Variants in NCAM2 observed in about 807,000 individuals in gnomAD.
NCAM2 encodes the protein N-CAM-2.
In NCAM2, 30 loss-of-function variants were observed where a neutral mutation model predicts 98.1. That is an observed-to-expected ratio of 0.31 (90% CI 0.23 to 0.41). NCAM2 has a LOEUF of 0.41. NCAM2 is among the 10% of genes least tolerant of loss of function. The pLI, the probability that NCAM2 is intolerant of heterozygous loss-of-function variation, is 1.00. For missense variants in NCAM2, 867 were observed against 1,005.8 expected (o/e 0.86, Z 1.87); for synonymous variants, 368 against 342.4 (o/e 1.07, Z -0.83).
chr21:21,143,798 T>TC (rs1187905791), intron 1 of NCAM2, among the ~76,000 whole-genome samples: 13 of 138,678 alleles, frequency 9.4e-5, no homozygotes, highest in South Asian at 2.3e-4. Flanking sequence ...ATTTTTTTTT[T>TC]AGGAAGTTTT....
intron 1 of NCAM2, among the ~76,000 whole-genome samples, chr21:21,230,819 A>G (rs1451132288): frequency 6.6e-6 from 1 of 151,346 alleles, no homozygotes; most frequent in Admixed American, 6.6e-5. Flanking sequence ...AAATATACTT[A>G]GGTCTTGGTT....
rs151002954 is a variant in NCAM2 at position 21,340,950 on chromosome 21, G to T, written c.1044+2416G>T. ...TTTACCCTCTTGTTATAAGGAAGAT[G>T]AGCACATTACAAATGCATATCAATG... On this transcript the variant is annotated intron_variant, in intron 8 of 17. Transcript: ENST00000400546. 9.2e-3 allele frequency among the ~76,000 whole-genome samples: 1,405 copies of T among 151,960 alleles called. 9 individuals are homozygous for T. Among genetic ancestry groups the T allele is most frequent in the South Asian group, 0.015 (72 of 4,820 alleles).
chr21:21,222,731 A>C (rs565523538), intron 1 of NCAM2, among the ~76,000 whole-genome samples: 1 of 152,314 alleles, frequency 6.6e-6, no homozygotes, highest in South Asian at 2.1e-4. Context: ...TGCTATGAAC[A>C]TTGTTGAAAT....
chr21:21,293,507 G>A (rs1188123346), intron 5 of NCAM2, among the ~76,000 whole-genome samples: 1 of 151,708 alleles, frequency 6.6e-6, no homozygotes, highest in Non-Finnish European at 1.5e-5. Flanking sequence ...GGGAAACTGG[G>A]TCCTTAGAGG....
At chr21:21,340,603 T>C (rs1272876170) in intron 8 of NCAM2, among the ~76,000 whole-genome samples, 1 of 151,980 alleles carries the variant, frequency 6.6e-6, no homozygotes, top group Non-Finnish European at 1.5e-5. Flanking sequence ...TTTAATCCAG[T>C]CAATAAAGAA....
At chr21:21,335,835 C>T (rs995347353) in intron 7 of NCAM2, among the ~76,000 whole-genome samples, 170 bp downstream of exon 7, 6 of 152,010 alleles carry the variant, frequency 3.9e-5, no homozygotes, top group African/African-American at 1.2e-4. Context: ...TGAAGAATAA[C>T]GTAAAATTAC....
intron 1 of NCAM2, among the ~76,000 whole-genome samples, chr21:21,259,110 G>A (rs962704130): frequency 7.9e-5 from 12 of 152,012 alleles, no homozygotes; most frequent in Non-Finnish European, 1.5e-4. Flanking sequence ...CACTTTTTGC[G>A]GTGGCTCCAC....
chr21:21,482,158 G>A (rs1414138058), intron 15 of NCAM2, among the ~76,000 whole-genome samples: 2 of 151,948 alleles, frequency 1.3e-5, no homozygotes, highest in African/African-American at 4.8e-5. Flanking sequence ...GATTGCTAAG[G>A]CCTCATAGAA....
At chr21:21,051,006 C>T (rs2065097558) in intron 1 of NCAM2, among the ~76,000 whole-genome samples, 2 of 152,124 alleles carry the variant, frequency 1.3e-5, no homozygotes, top group Non-Finnish European at 2.9e-5. Flanking sequence ...AATATCTGGA[C>T]CCAATGCCAC....
intron 1 of NCAM2, among the ~76,000 whole-genome samples, chr21:21,142,452 C>G (rs1276193133): frequency 2.1e-5 from 3 of 145,368 alleles, no homozygotes; most frequent in African/African-American, 7.8e-5. Context: ...AATCTCGGCT[C>G]ACTGCAAGCT....
At chr21:21,510,828 T>A (rs955244498) in intron 16 of NCAM2, among the ~76,000 whole-genome samples, 8 of 152,182 alleles carry the variant, frequency 5.3e-5, no homozygotes, top group African/African-American at 1.9e-4. Flanking sequence ...ATTATCAGTG[T>A]ACAGTTTAAT....
At chr21:21,012,158 G>A (rs1246689154) in intron 1 of NCAM2, among the ~76,000 whole-genome samples, 2 of 152,098 alleles carry the variant, frequency 1.3e-5, no homozygotes, top group Admixed American at 1.3e-4. Context: ...GTTGGTAAAC[G>A]AGTAACTCTT....
chr21:21,064,668 G>T (rs539843197), intron 1 of NCAM2, among the ~76,000 whole-genome samples: 1 of 152,186 alleles, frequency 6.6e-6, no homozygotes, highest in African/African-American at 2.4e-5. Flanking sequence ...AAATTCATGT[G>T]GACAGTTTCT....
chr21:21,023,785 G>T (rs1486395459), intron 1 of NCAM2, among the ~76,000 whole-genome samples: 1 of 151,894 alleles, frequency 6.6e-6, no homozygotes, highest in African/African-American at 2.4e-5. Context: ...ACAAAGAAAG[G>T]AGCATTATTG....
chr21:21,259,508 T>A (rs2147336241), intron 1 of NCAM2, among the ~76,000 whole-genome samples: 1 of 152,098 alleles, frequency 6.6e-6, no homozygotes, highest in South Asian at 2.1e-4. Context: ...ACCCCACCCC[T>A]AGTCAGGGTG....
rs1555877342 is a variant in NCAM2, at chr21:21,056,515, T to TGC, written c.55+57898_55+57899insCG. On this transcript the variant is annotated intron_variant, in intron 1 of 17. Transcript: ENST00000400546. ...CTGTGTGTGTGTGTGTGTGTGTGTG[T>TGC]GTGTGTGTGCATGAGAGAGGGGGAG... is the stretch of plus-strand genomic sequence containing the variant. 8.1e-5 allele frequency among the ~76,000 whole-genome samples: 12 copies of TGC among 148,338 alleles called. No homozygotes were observed. In the South Asian group the frequency reaches 1.9e-3, roughly 24 times the overall value.
At chr21:21,206,554 G>T (rs577807207) in intron 1 of NCAM2, among the ~76,000 whole-genome samples, 1 of 152,040 alleles carries the variant, frequency 6.6e-6, no homozygotes, top group Admixed American at 6.6e-5. Context: ...AACACCACCC[G>T]CAATAAATTC....
rs921942112 is a variant in NCAM2, at chr21:21,328,949, C to A, written c.737+4449C>A. Among the ~76,000 whole-genome samples the A allele has an allele frequency of 4.0e-5, 6 of 150,596 alleles. No individual in the cohort carries two copies. In the East Asian group the frequency reaches 5.8e-4, roughly 15 times the overall value. On this transcript the variant is annotated intron_variant, in intron 6 of 17. Transcript: ENST00000400546. ...ATATATATGCCCTATATATGTATAGCATTAATTTTTTTTTTTTTTTTTTGA... is the reference window on the plus strand; with the variant it reads ...ATATATATGCCCTATATATGTATAGAATTAATTTTTTTTTTTTTTTTTTGA...
intron 1 of NCAM2, among the ~76,000 whole-genome samples, chr21:21,099,853 C>A (rs1052243848): frequency 1.3e-5 from 2 of 151,924 alleles, no homozygotes; most frequent in African/African-American, 4.8e-5. Context: ...GTCATCTTTA[C>A]TTCTACACTA....
Sources: gnomAD v4.1 joint callset for allele counts (sites outside exome capture counted in the v4.1 genomes callset) on GRCh38, gnomAD v4.1.1 for gene constraint, MANE v1.5 for transcripts, NCBI Gene and HGNC (gene_info 2026-07-23, HGNC 2026-07-21) for gene names.